FAT3: variants seen among roughly 807,000 people sequenced by gnomAD.
FAT3 encodes the protein protocadherin Fat 3.
Under a neutral mutation model 310.2 loss-of-function variants are expected in FAT3, and 95 were observed. That is an observed-to-expected ratio of 0.31 (90% CI 0.26 to 0.36). FAT3 has a LOEUF of 0.36. Ranked by LOEUF, FAT3 falls within the 10% of genes least tolerant of loss-of-function variation. The probability of loss-of-function intolerance (pLI) is 1.00; values close to 1 mark genes in which losing one functional copy is unlikely to be tolerated. For synonymous variants in FAT3, 2,314 were observed against 2,192.9 expected, an observed-to-expected ratio of 1.06 and a Z score of -1.54; for missense variants, 5,408 against 5,715.6, an observed-to-expected ratio of 0.95 and a Z score of 1.74.
intron 2 of FAT3, among the ~76,000 whole-genome samples, chr11:92,390,759 A>G (rs2134810828): frequency 6.6e-6 from 1 of 152,308 alleles, no homozygotes; most frequent in African/African-American, 2.4e-5. Flanking sequence ...TGACCAAAAC[A>G]GGACCTCCAG....
intron 4 of FAT3, among the ~76,000 whole-genome samples, chr11:92,751,071 A>G (rs1396136124): frequency 1.3e-5 from 2 of 152,184 alleles, no homozygotes; most frequent in East Asian, 3.9e-4. Flanking sequence ...TGCACAGGAC[A>G]TGCTGAAACT....
At chr11:92,828,469 C>T (rs1235095337) in intron 13 of FAT3, among the ~76,000 whole-genome samples, 11 of 152,092 alleles carry the variant, frequency 7.2e-5, no homozygotes, top group Non-Finnish European at 1.5e-5. Flanking sequence ...CTGGGTCTCC[C>T]CCACCCCTTT....
intron 3 of FAT3, among the ~76,000 whole-genome samples, chr11:92,609,255 C>G (rs1280445558): frequency 6.6e-6 from 1 of 152,108 alleles, no homozygotes; most frequent in African/African-American, 2.4e-5. Context: ...CAGAAGCAAA[C>G]TTTTAAGTCA....
chr11:92,890,550 G>A lies in FAT3; in HGVS notation c.13207G>A (p.Val4403Met), dbSNP rs2136442917. The change falls in exon 28 of 28, where the codon GTG (valine) becomes ATG (methionine). Residue 4403 changes from valine (V) to methionine (M), a missense_variant. This residue lies in a region of FAT3 where 649 missense variants were observed against 666.2 expected (regional missense o/e 0.97). Transcript: ENST00000525166. ...GGCCCGCCTGTCGGACATAGAGGAA[G>A]TGCCCAACTATGAGAACCAGGATGG... ...PGARLSDIEE[V>M]PNYENQDGGS... 1 of 1,613,910 alleles carries A rather than the reference G, an allele frequency of 6.2e-7. No homozygotes were observed. The highest frequency in any genetic ancestry group is 8.5e-7 in the Non-Finnish European group (1 of 1,179,874).
intron 2 of FAT3, among the ~76,000 whole-genome samples, chr11:92,441,212 C>T (rs1951056874): frequency 6.6e-6 from 1 of 152,234 alleles, no homozygotes; most frequent in Non-Finnish European, 1.5e-5. Flanking sequence ...TCTCTGTCTG[C>T]TCCTGTTTCT....
intron 4 of FAT3, among the ~76,000 whole-genome samples, chr11:92,740,667 A>C (rs1404178696): frequency 6.6e-6 from 1 of 152,200 alleles, no homozygotes; most frequent in Non-Finnish European, 1.5e-5. Context: ...GTCAAAAGAT[A>C]ATTGCTTTTT....
chr11:92,611,075 A>G (rs2135624425), intron 3 of FAT3, among the ~76,000 whole-genome samples: 1 of 152,290 alleles, frequency 6.6e-6, no homozygotes, highest in Non-Finnish European at 1.5e-5. Context: ...GTTCAGGGAA[A>G]AATGAGTAAA....
At position 92,618,056 on chromosome 11, in the gene FAT3, G is replaced by C. The variant is rs544888100; in HGVS notation, c.3608-79328G>C. ...TCTGCAGAAGTTTCTGCTGCCTTTT[G>C]TTCAGCTATGCCCTGCCCCCAGAGG... On this transcript the variant is annotated intron_variant, in intron 3 of 27. Coordinates refer to ENST00000525166, the MANE Select transcript of FAT3 (RefSeq NM_001367949.2). 3.3e-5 allele frequency among the ~76,000 whole-genome samples: 5 copies of C among 152,316 alleles called. 1 individual carries two copies. The highest frequency in any genetic ancestry group is 1.2e-4 in the African/African-American group (5 of 41,570).
intron 2 of FAT3, chr11:92,367,132 C>T: frequency 2.4e-6 from 1 of 411,272 alleles, no homozygotes; most frequent in Non-Finnish European, 4.8e-6. Flanking sequence ...CTGCCTGTAG[C>T]ACTTTGCCTT....
At chr11:92,538,215 G>C (rs505471) in intron 3 of FAT3, among the ~76,000 whole-genome samples, 1 of 151,878 alleles carries the variant, frequency 6.6e-6, no homozygotes, top group South Asian at 2.1e-4. Flanking sequence ...AGACAATTCT[G>C]CTTATCTTTA....
At chr11:92,554,379 G>T (rs1328203024) in intron 3 of FAT3, among the ~76,000 whole-genome samples, 2 of 147,464 alleles carry the variant, frequency 1.4e-5, no homozygotes. Context: ...GGAGAATGGC[G>T]TGAACCTGGG....
In FAT3 at chr11:92,354,224, G is replaced by A. The variant is rs1274161040; in HGVS notation, c.2112G>A (p.Gly704=). The part of the protein sequence containing the change: ...EKLLIKAKAN[G]KLNLEDGFLD... ...TACTCATTAAGGCAAAAGCAAATGGGAAACTGAATCTGGAAGATGGATTTC... is the reference window on the plus strand; with the variant it reads ...TACTCATTAAGGCAAAAGCAAATGGAAAACTGAATCTGGAAGATGGATTTC... Residue 704 remains glycine, a synonymous_variant, in exon 2 of 28, where the codon GGG becomes GGA. Coordinates refer to ENST00000525166, the MANE Select transcript of FAT3 (RefSeq NM_001367949.2). The A allele has an allele frequency of 1.2e-6, 2 of 1,613,740 alleles. No individual in the cohort carries two copies. Among genetic ancestry groups the A allele is most frequent in the South Asian group, 2.2e-5 (2 of 91,086 alleles).
At chr11:92,448,999 A>G (rs1951286833) in intron 2 of FAT3, among the ~76,000 whole-genome samples, 1 of 152,128 alleles carries the variant, frequency 6.6e-6, no homozygotes, top group Admixed American at 6.5e-5. Flanking sequence ...ATTTTATGCC[A>G]GGGCCTCTTG....
chr11:92,293,512 T>TTATATATATATATATATA (rs1195340265), intron 1 of FAT3, among the ~76,000 whole-genome samples: 4 of 67,884 alleles, frequency 5.9e-5, no homozygotes, highest in Admixed American at 1.8e-4. Context: ...GAACCTCAGA[T>TTATATATATATATATATA]TATATATATA....
chr11:92,392,487 A>T (rs375200202), intron 2 of FAT3, among the ~76,000 whole-genome samples: 1 of 152,068 alleles, frequency 6.6e-6, no homozygotes, highest in East Asian at 1.9e-4. Context: ...GCTGACCGCA[A>T]TTTATCCTTG....
At chr11:92,756,237 A>T (rs960969215) in intron 4 of FAT3, among the ~76,000 whole-genome samples, 1 of 152,254 alleles carries the variant, frequency 6.6e-6, no homozygotes. Context: ...TTTCTTGTAC[A>T]TACATACCTA....
intron 3 of FAT3, among the ~76,000 whole-genome samples, chr11:92,608,745 A>AATAATAATAATAATAATAATG (rs1555099223): frequency 6.6e-6 from 1 of 150,706 alleles, no homozygotes; most frequent in Non-Finnish European, 1.5e-5. Context: ...TAATAATAAT[A>AATAATAATAATAATAATAATG]CTCCTCACAT....
At chr11:92,529,825 A>G (rs978084072) in intron 3 of FAT3, among the ~76,000 whole-genome samples, 2 of 152,158 alleles carry the variant, frequency 1.3e-5, no homozygotes, top group African/African-American at 4.8e-5. Flanking sequence ...TGCTCCATTC[A>G]CTGGCATCTC....
At chr11:92,413,839 G>C (rs1043695697) in intron 2 of FAT3, among the ~76,000 whole-genome samples, 2 of 152,182 alleles carry the variant, frequency 1.3e-5, no homozygotes, top group Non-Finnish European at 2.9e-5. Context: ...TAGCAGAACT[G>C]AGATGAAGGC....
Sources: allele counts gnomAD v4.1 joint callset (sites outside exome capture counted in the v4.1 genomes callset), GRCh38; gene constraint gnomAD v4.1.1; regional missense constraint gnomAD v4.1.1; transcripts MANE v1.5; gene names NCBI Gene and HGNC (gene_info 2026-07-23, HGNC 2026-07-21).